The following ATRX variants were observed in gnomAD, a reference collection of about 807,000 sequenced individuals.
ATRX encodes chromatin remodeler ATRX.
Under a neutral mutation model 172.6 loss-of-function variants are expected in ATRX, and 12 were observed. The ratio of observed to expected loss-of-function variants is 0.07; its 90% CI spans 0.04 to 0.11. The LOEUF (loss-of-function observed/expected upper bound fraction) is 0.11, where lower values mean the gene tolerates loss of function less well. Among genes scored for constraint, ATRX ranks in the 10% least tolerant of loss-of-function variants. The pLI is 1.00. For synonymous variants in ATRX, 674 were observed against 594.7 expected (o/e 1.13, Z -1.94); for missense variants, 1,368 against 1,767.4 (o/e 0.77, Z 4.05).
intron 22 of ATRX, 161 bp from the exon 23 acceptor site, chrX:77,600,725 G>A: frequency 4.2e-6 from 2 of 474,152 alleles, no homozygotes; most frequent in Non-Finnish European, 6.9e-6. Context: ...AAAACAAATA[G>A]GATTACAAAA....
intron 22 of ATRX, among the ~76,000 whole-genome samples, chrX:77,608,451 C>T (rs1557092148): frequency 3.6e-5 from 4 of 109,996 alleles, no homozygotes; most frequent in Non-Finnish European, 7.6e-5. Flanking sequence ...ACAGTGAACG[C>T]ATACTCTACA....
chrX:77,517,872 AAATC>A (rs1557039696), intron 34 of ATRX, among the ~76,000 whole-genome samples: 1 of 112,447 alleles, frequency 8.9e-6, no homozygotes, highest in East Asian at 2.8e-4. Flanking sequence ...TTAACTATGC[AAATC>A]AATCAATGTG....
At chrX:77,518,244 T>C (rs1025727344) in intron 34 of ATRX, among the ~76,000 whole-genome samples, 18 of 112,067 alleles carry the variant, frequency 1.6e-4, no homozygotes, top group African/African-American at 4.5e-4. Flanking sequence ...TGTTTGCAAA[T>C]GTTATGATCT....
At chrX:77,720,406 A>G (rs1319436325) in intron 1 of ATRX, among the ~76,000 whole-genome samples, 1 of 111,598 alleles carries the variant, frequency 9.0e-6, no homozygotes, top group Non-Finnish European at 1.9e-5. Flanking sequence ...TTTTTTGAGA[A>G]GATCAACAAA....
chrX:77,753,804 C>G (rs1359167063), intron 1 of ATRX, among the ~76,000 whole-genome samples: 1 of 111,299 alleles, frequency 9.0e-6, no homozygotes, highest in African/African-American at 3.3e-5. Context: ...CTGAGAAGAA[C>G]GTATATTCTG....
At chrX:77,728,500 A>C (rs1557174319) in intron 1 of ATRX, among the ~76,000 whole-genome samples, 1 of 111,800 alleles carries the variant, frequency 8.9e-6, no homozygotes, top group Non-Finnish European at 1.9e-5. Context: ...ATGCATGAAG[A>C]AATGAATATA....
chrX:77,590,541 G>C (rs2148096005), intron 26 of ATRX, among the ~76,000 whole-genome samples: 1 of 106,490 alleles, frequency 9.4e-6, no homozygotes, highest in South Asian at 4.4e-4. Flanking sequence ...GAACCCAGGA[G>C]GCGGAGCTTG....
intron 13 of ATRX, among the ~76,000 whole-genome samples, chrX:77,654,712 T>C (rs1178834125): frequency 9.0e-6 from 1 of 111,548 alleles, no homozygotes; most frequent in Non-Finnish European, 1.9e-5. Flanking sequence ...TTAATGGAAA[T>C]GTAAAATGGT....
chrX:77,688,674 T>C lies in ATRX; in HGVS notation c.594+144A>G, dbSNP rs962002407. On this transcript the variant is annotated intron_variant, in intron 7 of 34. Transcript: ENST00000373344. ...CCCCTATCATGACACTTAGGCTTTG[T>C]ACGTCTATTTTCCCCACTATAGTAG... 17 of 496,243 alleles carry C rather than the reference T, an allele frequency of 3.4e-5. 1 individual carries two copies. The highest frequency in any genetic ancestry group is 6.0e-5 in the Non-Finnish European group (17 of 283,198). The allele number at this position is 496,243 out of a possible 1,213,427, so 40.9% of individuals were successfully genotyped here.
chrX:77,763,587 C>T (rs916461149), intron 1 of ATRX, among the ~76,000 whole-genome samples: 2 of 108,634 alleles, frequency 1.8e-5, no homozygotes, highest in African/African-American at 6.7e-5. Context: ...TCTCCTGCCT[C>T]GGCCTCCCGA....
intron 27 of ATRX, among the ~76,000 whole-genome samples, chrX:77,584,637 G>A (rs1270960137): frequency 1.8e-5 from 2 of 111,159 alleles, no homozygotes; most frequent in African/African-American, 3.3e-5. Context: ...CCTATCTCTC[G>A]CCATATATAA....
intron 7 of ATRX, 121 bp from the exon 8 acceptor site, chrX:77,685,127 G>A: frequency 1.8e-6 from 1 of 555,203 alleles, no homozygotes; most frequent in Non-Finnish European, 3.0e-6. Context: ...ACACTGGTGT[G>A]GGCAAAGATT....
At chrX:77,541,317 C>T (rs2063984448) in intron 30 of ATRX, among the ~76,000 whole-genome samples, 1 of 112,026 alleles carries the variant, frequency 8.9e-6, no homozygotes, top group Non-Finnish European at 1.9e-5. Flanking sequence ...GAAACTGAGG[C>T]AGTAATTAAT....
Position 77,508,633 on chromosome X carries a change from T to A in ATRX, c.7201-4A>T, listed in dbSNP as rs782317502. ...TTCGCTGAACACAGCTGATTAACTA[T>A]AGAGAAAAAATGGGAGTCATTACAA... On this transcript the variant is annotated splice_polypyrimidine_tract_variant and splice_region_variant and intron_variant, in intron 34 of 34. Coordinates refer to ENST00000373344, the MANE Select transcript of ATRX (RefSeq NM_000489.6). The A allele has an allele frequency of 3.3e-6, 4 of 1,211,417 alleles. No homozygotes were observed. The highest frequency in any genetic ancestry group is 4.3e-5 in the Admixed American group (2 of 46,030).
chrX:77,522,054 A>G (rs1300182727), intron 32 of ATRX: 9 of 426,421 alleles, frequency 2.1e-5, no homozygotes, highest in Non-Finnish European at 3.6e-5. Flanking sequence ...ACATTAATTC[A>G]CCGACTGATT....
intron 10 of ATRX, chrX:77,673,874 A>G (rs1489074122): frequency 1.8e-5 from 2 of 111,097 alleles, no homozygotes; most frequent in African/African-American, 3.2e-5. Flanking sequence ...ACTAGCCTCT[A>G]TATTTTAATA....
chrX:77,713,018 G>A (rs189122981), intron 2 of ATRX, among the ~76,000 whole-genome samples: 34 of 108,830 alleles, frequency 3.1e-4, no homozygotes, highest in Non-Finnish European at 6.3e-4. Context: ...GTATGGTGGC[G>A]CATGACTGTA....
At chrX:77,593,198 T>G (rs2066341192) in intron 26 of ATRX, among the ~76,000 whole-genome samples, 1 of 98,570 alleles carries the variant, frequency 1.0e-5, no homozygotes, top group East Asian at 3.1e-4. Context: ...CACTCCAGCC[T>G]GGGCAACAGA....
At chrX:77,570,350 T>A (rs782290537) in intron 28 of ATRX, among the ~76,000 whole-genome samples, 1 of 109,247 alleles carries the variant, frequency 9.2e-6, no homozygotes, top group South Asian at 4.0e-4. Flanking sequence ...GGGTATTTTT[T>A]TTTTTTTAGA....
Sources: gnomAD v4.1 joint callset for allele counts (sites outside exome capture counted in the v4.1 genomes callset) on GRCh38, gnomAD v4.1.1 for gene constraint, MANE v1.5 for transcripts, NCBI Gene and HGNC (gene_info 2026-07-23, HGNC 2026-07-21) for gene names.